Variants in CAST observed in about 807,000 individuals in gnomAD.
CAST encodes the protein calpastatin, also known as MIR583 host.
CAST carries 76 observed loss-of-function variants against 119.6 expected under a neutral mutation model. The observed-to-expected ratio is 0.64, with a 90% CI of 0.53 to 0.77. CAST has a LOEUF of 0.77. Among genes scored for constraint, CAST ranks in the 30% least tolerant of loss-of-function variants. CAST has a pLI of 0.00. For missense variants in CAST, 953 were observed against 946.5 expected (o/e 1.01, Z -0.09); for synonymous variants, 319 against 331.6 (o/e 0.96, Z 0.41).
At chr5:96,577,964 T>C (rs1397368196) in intron 1 of CAST, among the ~76,000 whole-genome samples, 1 of 152,216 alleles carries the variant, frequency 6.6e-6, no homozygotes, top group African/African-American at 2.4e-5. Context: ...TGTATTGTGT[T>C]GTTCAGATCT....
At chr5:96,156,792 G>T in the CAST span, among the ~76,000 whole-genome samples, 1 of 152,126 alleles carries the variant, frequency 6.6e-6, no homozygotes, top group Non-Finnish European at 1.5e-5. Context: ...ATTGACTAAA[G>T]TTTCTCGGAT....
the CAST span, among the ~76,000 whole-genome samples, chr5:96,461,154 G>C: frequency 2.0e-5 from 3 of 152,106 alleles, no homozygotes; most frequent in African/African-American, 7.2e-5. Context: ...TTAATGCAAT[G>C]CTTTCAAGAT....
the CAST span, among the ~76,000 whole-genome samples, chr5:96,033,259 A>G: frequency 6.6e-6 from 1 of 152,174 alleles, no homozygotes; most frequent in Admixed American, 6.6e-5. Context: ...AAAGAGATCA[A>G]CGTAATCCCT....
At chr5:96,306,050 G>C in the CAST span, among the ~76,000 whole-genome samples, 1 of 152,186 alleles carries the variant, frequency 6.6e-6, no homozygotes, top group Non-Finnish European at 1.5e-5. Context: ...ACCTCTGTTA[G>C]AATTTGGCTG....
At chr5:96,522,438 C>T (rs1276523153), upstream of CAST, among the ~76,000 whole-genome samples, 2 of 152,100 alleles carry the variant, frequency 1.3e-5, no homozygotes, top group Middle Eastern at 3.2e-3. Flanking sequence ...CTAGGCAAAT[C>T]TCTATTAACC....
the CAST span, among the ~76,000 whole-genome samples, chr5:96,031,532 T>C: frequency 6.6e-6 from 1 of 152,186 alleles, no homozygotes; most frequent in Non-Finnish European, 1.5e-5. Context: ...AAGATACTTT[T>C]CTTCACTTTG....
intron 24 of CAST, among the ~76,000 whole-genome samples, chr5:96,759,385 A>G (rs1045556966): frequency 6.6e-6 from 1 of 152,282 alleles, no homozygotes; most frequent in Non-Finnish European, 1.5e-5. Context: ...TCACATTGAT[A>G]ATAGACTATT....
intron 1 of CAST, among the ~76,000 whole-genome samples, chr5:96,554,170 G>A (rs1448299434): frequency 6.6e-6 from 1 of 152,184 alleles, no homozygotes; most frequent in African/African-American, 2.4e-5. Context: ...CAAGACTCCA[G>A]TAACCAAAAC....
chr5:96,353,412 A>G, the CAST span, among the ~76,000 whole-genome samples: 1 of 152,138 alleles, frequency 6.6e-6, no homozygotes, highest in South Asian at 2.1e-4. Flanking sequence ...TCCTGCTGTG[A>G]TGGTTAACTT....
At chr5:96,542,727 A>G (rs1745936632) in intron 1 of CAST, among the ~76,000 whole-genome samples, 1 of 152,228 alleles carries the variant, frequency 6.6e-6, no homozygotes, top group African/African-American at 2.4e-5. Flanking sequence ...TTTTACAACT[A>G]GTCTATGGCT....
At chr5:96,393,232 T>C in the CAST span, 1 of 1,613,974 alleles carries the variant, frequency 6.2e-7, no homozygotes, top group Non-Finnish European at 8.5e-7. Flanking sequence ...GCGGTGAGTT[T>C]TTACTGAAAG....
intron 1 of CAST, among the ~76,000 whole-genome samples, chr5:96,531,981 A>G (rs2150177402): frequency 6.6e-6 from 1 of 152,330 alleles, no homozygotes; most frequent in Admixed American, 6.5e-5. Flanking sequence ...GAGCAGGCGT[A>G]GTGGCATGCA....
At chr5:96,676,748 C>A (rs1347978373) in intron 2 of CAST, among the ~76,000 whole-genome samples, 1 of 151,230 alleles carries the variant, frequency 6.6e-6, no homozygotes, top group African/African-American at 2.4e-5. Context: ...TTTCTTTTTC[C>A]CAACATGAAA....
At chr5:96,318,444 A>G in the CAST span, 1 of 152,212 alleles carries the variant, frequency 6.6e-6, no homozygotes, top group East Asian at 1.9e-4. Flanking sequence ...GTGTTTCTGG[A>G]CTGATTAATT....
At chr5:95,962,496 G>A in the CAST span, among the ~76,000 whole-genome samples, 2 of 151,440 alleles carry the variant, frequency 1.3e-5, no homozygotes, top group African/African-American at 4.9e-5. Flanking sequence ...CACACGCAGA[G>A]CTTATAAAAA....
intron 1 of CAST, among the ~76,000 whole-genome samples, chr5:96,536,770 C>T (rs1251364814): frequency 2.0e-5 from 3 of 152,162 alleles, no homozygotes; most frequent in Admixed American, 6.5e-5. Context: ...AAATGCTCCC[C>T]TCCCAAATAA....
chr5:96,402,665 C>T, the CAST span, among the ~76,000 whole-genome samples: 1,823 of 152,224 alleles, frequency 0.012, 17 homozygotes, highest in Non-Finnish European at 0.019. Flanking sequence ...GTGTTTTCTC[C>T]GGTTTCAGAC....
At chr5:96,636,242 C>T (rs948430636) in intron 1 of CAST, among the ~76,000 whole-genome samples, 13 of 152,182 alleles carry the variant, frequency 8.5e-5, no homozygotes, top group African/African-American at 2.7e-4. Context: ...CCTGTTTCCT[C>T]ATCTGATAAT....
intron 1 of CAST, among the ~76,000 whole-genome samples, chr5:96,618,800 C>T (rs762738131): frequency 6.8e-4 from 103 of 152,210 alleles, no homozygotes; most frequent in Admixed American, 1.2e-3. Context: ...TCCCCCACCC[C>T]GTGGGCTCCC....
Sources: allele counts gnomAD v4.1 joint callset (sites outside exome capture counted in the v4.1 genomes callset), GRCh38; gene constraint gnomAD v4.1.1; transcripts MANE v1.5; gene names NCBI Gene and HGNC (gene_info 2026-07-23, HGNC 2026-07-21).